Variants in DCLK1 observed in about 807,000 individuals in gnomAD.
The protein encoded by DCLK1 is serine/threonine-protein kinase DCLK1.
Under a neutral mutation model 86.2 loss-of-function variants are expected in DCLK1, and 16 were observed. The ratio of observed to expected loss-of-function variants is 0.19; its 90% CI spans 0.13 to 0.28. DCLK1 has a LOEUF of 0.28. Among genes scored for constraint, DCLK1 ranks in the 10% least tolerant of loss-of-function variants. The pLI, the probability that DCLK1 is intolerant of heterozygous loss-of-function variation, is 1.00. For synonymous variants in DCLK1, 369 were observed against 370.5 expected (o/e 1.00, Z 0.05); for missense variants, 590 against 940.2 (o/e 0.63, Z 4.87).
chr13:35,811,250 A>G (rs2087135106), intron 11 of DCLK1, among the ~76,000 whole-genome samples: 1 of 152,152 alleles, frequency 6.6e-6, no homozygotes, highest in South Asian at 2.1e-4. Context: ...ATACAGGTTT[A>G]TAGTTATTGA....
chr13:35,844,688 C>CA (rs1870049045), intron 6 of DCLK1, among the ~76,000 whole-genome samples: 1 of 152,176 alleles, frequency 6.6e-6, no homozygotes, highest in Non-Finnish European at 1.5e-5. Context: ...GTCTTCTAGG[C>CA]ACCTGCTACA....
chr13:36,108,197 G>C (rs941227860), intron 3 of DCLK1, among the ~76,000 whole-genome samples: 9 of 152,170 alleles, frequency 5.9e-5, no homozygotes, highest in African/African-American at 2.2e-4. Context: ...GCAAGGAAGA[G>C]GAGGAAGGTC....
intron 4 of DCLK1, among the ~76,000 whole-genome samples, chr13:35,894,758 G>A (rs186114344): frequency 2.6e-5 from 4 of 152,260 alleles, no homozygotes; most frequent in East Asian, 1.9e-4. Context: ...GTGTAGGCAC[G>A]AGGAGCAGAG....
At chr13:36,014,825 G>A in intron 3 of DCLK1, among the ~76,000 whole-genome samples, 1 of 152,180 alleles carries the variant, frequency 6.6e-6, no homozygotes, top group East Asian at 1.9e-4. Flanking sequence ...AGACTCATCA[G>A]AATTTCAAGT....
At chr13:36,056,019 G>C (rs557713958) in intron 3 of DCLK1, among the ~76,000 whole-genome samples, 1 of 150,462 alleles carries the variant, frequency 6.6e-6, no homozygotes, top group East Asian at 2.0e-4. Flanking sequence ...CTGTTGGTGG[G>C]ACTGTAAACT....
At chr13:36,056,383 G>A (rs1250975817) in intron 3 of DCLK1, among the ~76,000 whole-genome samples, 4 of 107,700 alleles carry the variant, frequency 3.7e-5, no homozygotes, top group Admixed American at 1.0e-4. Flanking sequence ...ACCAAACACC[G>A]CATATTCTCA....
At chr13:35,922,060 A>C (rs1392338227) in intron 4 of DCLK1, among the ~76,000 whole-genome samples, 1 of 152,224 alleles carries the variant, frequency 6.6e-6, no homozygotes, top group Non-Finnish European at 1.5e-5. Context: ...CAAGGCTAGA[A>C]ACCCTGTCCT....
intron 1 of DCLK1, among the ~76,000 whole-genome samples, chr13:36,126,417 T>G (rs1324161411): frequency 6.6e-6 from 1 of 152,004 alleles, no homozygotes; most frequent in Non-Finnish European, 1.5e-5. Flanking sequence ...TTTCCTTCAT[T>G]TTTTGTTCAT....
At chr13:35,860,313 A>AGGG (rs956158362) in intron 5 of DCLK1, among the ~76,000 whole-genome samples, 3 of 147,668 alleles carry the variant, frequency 2.0e-5, no homozygotes, top group African/African-American at 7.8e-5. Context: ...AAAAAAATGC[A>AGGG]GGGGGTGGGG....
chr13:35,925,668 A>T (rs900307839), intron 4 of DCLK1, among the ~76,000 whole-genome samples: 1 of 152,138 alleles, frequency 6.6e-6, no homozygotes, highest in East Asian at 1.9e-4. Context: ...ATATTATGTT[A>T]ATTTTATTAT....
intron 4 of DCLK1, among the ~76,000 whole-genome samples, chr13:35,918,313 G>A (rs1207170980): frequency 6.6e-6 from 1 of 152,186 alleles, no homozygotes; most frequent in Non-Finnish European, 1.5e-5. Context: ...GGTTGCAATA[G>A]GTAATACCCG....
At chr13:36,126,225 G>GT in intron 1 of DCLK1, 69 bp from the exon 2 acceptor site, 1 of 1,260,032 alleles carries the variant, frequency 7.9e-7, no homozygotes, top group East Asian at 2.7e-5. Flanking sequence ...ATATTTTTTT[G>GT]TTTTTGTTTT....
At position 36,072,511 on chromosome 13, in the gene DCLK1, C is replaced by T. The variant is rs9602056; in HGVS notation, c.723+39358G>A. On this transcript the variant is annotated intron_variant, in intron 3 of 16. Transcript: ENST00000360631. ...TGTCTTCCTGATTTATATCTTCAGG[C>T]CAGACTTCTTTCCTGAATTCCAGCG... 3.4e-3 allele frequency among the ~76,000 whole-genome samples: 516 copies of T among 152,300 alleles called. 3 individuals carry two copies. The highest frequency in any genetic ancestry group is 0.012 in the African/African-American group (486 of 41,550).
chr13:36,060,830 ACAGGAAGACC>A (rs1398803561), intron 3 of DCLK1, among the ~76,000 whole-genome samples: 1 of 152,192 alleles, frequency 6.6e-6, no homozygotes, highest in Non-Finnish European at 1.5e-5. Flanking sequence ...AAGGATGCAG[ACAGGAAGACC>A]CATAGAGTAT....
At chr13:36,036,504 C>A (rs9601953) in intron 3 of DCLK1, among the ~76,000 whole-genome samples, 11,645 of 152,178 alleles carry the variant, frequency 0.077, 532 homozygotes, top group African/African-American at 0.14. Context: ...CGAATAAATA[C>A]CTTGATGTTC....
intron 15 of DCLK1, among the ~76,000 whole-genome samples, chr13:35,798,191 T>C (rs781736872): frequency 5.9e-5 from 9 of 152,134 alleles, no homozygotes; most frequent in Non-Finnish European, 1.3e-4. Flanking sequence ...TGGTCTCCAT[T>C]TCTCTAGGGG....
intron 6 of DCLK1, among the ~76,000 whole-genome samples, chr13:35,852,678 T>A (rs1870742113): frequency 6.6e-6 from 1 of 152,184 alleles, no homozygotes; most frequent in Non-Finnish European, 1.5e-5. Flanking sequence ...ATTTTCTGCC[T>A]CAGTTGGACA....
At chr13:35,806,330 A>C (rs569678693) in intron 14 of DCLK1, among the ~76,000 whole-genome samples, 1 of 152,348 alleles carries the variant, frequency 6.6e-6, no homozygotes, top group African/African-American at 2.4e-5. Flanking sequence ...AATTCTAAAG[A>C]AACATGTTAC....
intron 16 of DCLK1, among the ~76,000 whole-genome samples, chr13:35,781,480 A>G (rs2086524487): frequency 6.6e-6 from 1 of 152,224 alleles, no homozygotes; most frequent in Admixed American, 6.5e-5. Flanking sequence ...TAGGCCTTAC[A>G]GTCTATGGAC....
Sources: gnomAD v4.1 joint callset for allele counts (sites outside exome capture counted in the v4.1 genomes callset) on GRCh38, gnomAD v4.1.1 for gene constraint, MANE v1.5 for transcripts, NCBI Gene and HGNC (gene_info 2026-07-23, HGNC 2026-07-21) for gene names.